CEACAM5: variants seen among roughly 807,000 people sequenced by gnomAD.
The protein encoded by CEACAM5 is CEA cell adhesion molecule 5.
CEACAM5 carries 52 observed loss-of-function variants against 63.0 expected under a neutral mutation model. The observed-to-expected ratio is 0.83, with a 90% CI of 0.66 to 1.04. CEACAM5 has a LOEUF of 1.04. Among genes scored for constraint, CEACAM5 ranks in the 50% least tolerant of loss-of-function variants. CEACAM5 has a pLI of 0.00. For synonymous variants in CEACAM5, 357 were observed against 351.3 expected, an observed-to-expected ratio of 1.02 and a Z score of -0.18; for missense variants, 790 against 864.8, an observed-to-expected ratio of 0.91 and a Z score of 1.08.
At position 41,730,330 on chromosome 19, in the gene CEACAM5, G is replaced by A. The variant is rs1442215662; in HGVS notation, c.*1183G>A. On this transcript the variant is annotated 3_prime_UTR_variant, in exon 10 of 10. Coordinates refer to ENST00000221992, the MANE Select transcript of CEACAM5 (RefSeq NM_004363.6). ...CCAGCTACTCAGGAGGCTGAGGCAG[G>A]AGAACGGCATGAACCCGGGAGGCAG... 6.6e-6 allele frequency among the ~76,000 whole-genome samples: 1 copy of A among 151,542 alleles called. No individual in the cohort carries two copies. Among genetic ancestry groups the A allele is most frequent in the East Asian group, 1.9e-4 (1 of 5,166 alleles).
chr19:41,715,389 C>A, intron 3 of CEACAM5, 140 bp downstream of exon 3: 1 of 1,364,532 alleles, frequency 7.3e-7, no homozygotes, highest in Non-Finnish European at 1.0e-6. Flanking sequence ...CTTTCTGCCC[C>A]AGAAAAACCT....
chr19:41,716,618 C>T (rs2072531110), intron 4 of CEACAM5, among the ~76,000 whole-genome samples: 1 of 152,196 alleles, frequency 6.6e-6, no homozygotes, highest in Non-Finnish European at 1.5e-5. Context: ...GCTGTGGGCA[C>T]AGCACATGGG....
chr19:41,720,487 G>T (rs1313282996), intron 7 of CEACAM5, among the ~76,000 whole-genome samples: 1 of 148,952 alleles, frequency 6.7e-6, no homozygotes, highest in Admixed American at 6.7e-5. Context: ...GGACATGAGG[G>T]TTATGGTTTG....
At chr19:41,711,928 C>G (rs537311865) in intron 2 of CEACAM5, among the ~76,000 whole-genome samples, 96 of 152,152 alleles carry the variant, frequency 6.3e-4, no homozygotes, top group Non-Finnish European at 1.1e-3. Flanking sequence ...AGGGAAGGCA[C>G]AGATGGAGCC....
In CEACAM5 at chr19:41,709,537, GACACAC is replaced by G. The variant is rs71334990; in HGVS notation, c.65-118_65-113del. ...CACACTGCTGACCTTGACCTAGTAGGACACACACACACACACACACACACACACACT... is the reference window on the plus strand; with the variant it reads ...CACACTGCTGACCTTGACCTAGTAGGACACACACACACACACACACACACT... On this transcript the variant is annotated intron_variant, in intron 1 of 9. Coordinates refer to ENST00000221992, the MANE Select transcript of CEACAM5 (RefSeq NM_004363.6). 6.8e-3 allele frequency: 7,585 copies of G among 1,109,916 alleles called. 2 individuals carry two copies. Among genetic ancestry groups the G allele is most frequent in the Non-Finnish European group, 7.9e-3 (6,260 of 795,178 alleles). The allele number at this position is 1,109,916 out of a possible 1,614,324, so 68.8% of individuals were successfully genotyped here.
chr19:41,719,270 C>T (rs1337258851), intron 6 of CEACAM5, among the ~76,000 whole-genome samples: 1 of 152,180 alleles, frequency 6.6e-6, no homozygotes, highest in Admixed American at 6.5e-5. Flanking sequence ...ACCATTTTAA[C>T]CTTTCTATGT....
chr19:41,715,015 G>A lies in CEACAM5; in HGVS notation c.469G>A (p.Val157Met), dbSNP rs368068137. Reference protein sequence around the residue: ...PSISSNNSKPVEDKDAVAFTC... With the variant: ...PSISSNNSKPMEDKDAVAFTC... ...CATCTCCAGCAACAACTCCAAACCCGTGGAGGACAAGGATGCTGTGGCCTT... is the reference window on the plus strand; with the variant it reads ...CATCTCCAGCAACAACTCCAAACCCATGGAGGACAAGGATGCTGTGGCCTT... The change falls in exon 3 of 10, where the codon GTG becomes ATG. Residue 157 changes from valine to methionine, a missense_variant. Transcript: ENST00000221992. The A allele has an allele frequency of 9.5e-5, 154 of 1,614,082 alleles. No homozygotes were observed. Among genetic ancestry groups the A allele is most frequent in the South Asian group, 1.6e-4 (15 of 91,088 alleles).
At chr19:41,728,187 T>C (rs1389574190) in intron 9 of CEACAM5, among the ~76,000 whole-genome samples, 5 of 152,238 alleles carry the variant, frequency 3.3e-5, no homozygotes, top group Admixed American at 3.3e-4. Context: ...TCCTTAATTC[T>C]ATAACAGGAG....
rs185229336 is a variant in CEACAM5, at chr19:41,727,336, T to C, written c.*20T>C. 1 of 1,568,918 alleles carries C rather than the reference T, an allele frequency of 6.4e-7. No individual in the cohort carries two copies. ...ATATAGCAGCCCTGGTGTAGTTTCT[T>C]CATTTCAGGAAGACTGGTAGGTATA... On this transcript the variant is annotated 3_prime_UTR_variant, in exon 9 of 10. Transcript: ENST00000221992.
At chr19:41,724,234 C>T (rs2072667506) in intron 8 of CEACAM5, among the ~76,000 whole-genome samples, 1 of 152,142 alleles carries the variant, frequency 6.6e-6, no homozygotes, top group Non-Finnish European at 1.5e-5. Flanking sequence ...CTGTCCTTTC[C>T]CCATTAAATG....
intron 4 of CEACAM5, among the ~76,000 whole-genome samples, chr19:41,716,424 G>C (rs2072527677): frequency 6.6e-6 from 1 of 152,244 alleles, no homozygotes; most frequent in Admixed American, 6.5e-5. Flanking sequence ...ACTCCACCTA[G>C]GTGGGAACGA....
rs188245673 is a variant in CEACAM5 at position 41,715,789 on chromosome 19, C to A, written c.843C>A (p.Thr281=). 2.5e-6 allele frequency: 4 copies of A among 1,614,210 alleles called. No homozygotes were observed. Among genetic ancestry groups the A allele is most frequent in the Admixed American group, 3.3e-5 (2 of 60,028 alleles). Residue 281 remains threonine (T), a synonymous_variant, in exon 4 of 10, where the codon ACC becomes ACA. Transcript: ENST00000221992. ...WFVNGTFQQS[T]QELFIPNITV... Reference sequence around the variant, plus strand: ...TCAATGGGACTTTCCAGCAATCCACCCAAGAGCTCTTTATCCCCAACATCA... The same window carrying A: ...TCAATGGGACTTTCCAGCAATCCACACAAGAGCTCTTTATCCCCAACATCA...
intron 6 of CEACAM5, 28 bp downstream of exon 6, chr19:41,718,410 T>C (rs1555815500): frequency 1.9e-6 from 3 of 1,611,024 alleles, no homozygotes; most frequent in East Asian, 4.5e-5. Flanking sequence ...CCGTTAGCAA[T>C]ATGTTCTGGA....
chr19:41,721,033 G>A lies in CEACAM5; in HGVS notation c.1883G>A (p.Arg628His), dbSNP rs147855837. The change falls in exon 8 of 10, where the codon CGT becomes CAT. Residue 628 changes from arginine (R) to histidine (H), a missense_variant. Coordinates refer to ENST00000221992, the MANE Select transcript of CEACAM5 (RefSeq NM_004363.6). ...AACCCATCCCCGCAGTATTCTTGGCGTATCAATGGGATACCGCAGCAACAC... is the reference window on the plus strand; with the variant it reads ...AACCCATCCCCGCAGTATTCTTGGCATATCAATGGGATACCGCAGCAACAC... The part of the protein sequence containing the change: ...ASNPSPQYSW[R>H]INGIPQQHTQ... The A allele has an allele frequency of 4.7e-5, 76 of 1,613,982 alleles. No homozygotes were observed. In the African/African-American group the frequency reaches 6.7e-4, roughly 14 times the overall value.
chr19:41,715,664 C>A lies in CEACAM5; in HGVS notation c.718C>A (p.Pro240Thr). Residue 240 changes from proline (P) to threonine (T), a missense_variant, in exon 4 of 10, where the codon CCC becomes ACC. Pro to Thr is a conservative substitution (Grantham distance 38). Transcript: ENST00000221992. ...ILNVLYGPDA[P>T]TISPLNTSYR... is the part of the protein sequence containing the mutation. ...GTTTGCTCCAGATGGCCCGGATGCC[C>A]CCACCATTTCCCCTCTAAACACATC... The A allele has an allele frequency of 6.2e-7, 1 of 1,614,160 alleles. No individual in the cohort carries two copies. The highest frequency in any genetic ancestry group is 8.5e-7 in the Non-Finnish European group (1 of 1,180,040).
chr19:41,717,878 T>C, intron 5 of CEACAM5, 145 bp downstream of exon 5: 1 of 1,133,380 alleles, frequency 8.8e-7, no homozygotes, highest in Non-Finnish European at 1.3e-6. Flanking sequence ...AGCAAATCCA[T>C]GCAGGCCCAG....
chr19:41,709,200 G>A (rs1555813442), intron 1 of CEACAM5, among the ~76,000 whole-genome samples: 2 of 152,216 alleles, frequency 1.3e-5, no homozygotes, highest in African/African-American at 4.8e-5. Context: ...CCCAGGCACT[G>A]GGGTGCAACC....
At chr19:41,720,879 TCCTCTGATGACATCA>T in intron 7 of CEACAM5, 28 bp from the exon 8 acceptor site, 3 of 1,606,916 alleles carry the variant, frequency 1.9e-6, no homozygotes, top group Non-Finnish European at 2.6e-6. Context: ...GCTTCCCCTT[TCCTCTGATGACATCA>T]CCTGTGGCTT....
In CEACAM5 at chr19:41,709,795, G is replaced by C; in HGVS notation, c.180G>C (p.Gln60His). Residue 60 changes from glutamine (Q) to histidine (H), a missense_variant, in exon 2 of 10, where the codon CAG (glutamine) becomes CAC (histidine). Gln to His is a conservative substitution (Grantham distance 24, BLOSUM62 0). Transcript: ENST00000221992. ...EVLLLVHNLP[Q>H]HLFGYSWYKG... ...TTCTACTTGTCCACAATCTGCCCCA[G>C]CATCTTTTTGGCTACAGCTGGTACA... 1.9e-6 allele frequency: 3 copies of C among 1,614,128 alleles called. No individual in the cohort carries two copies. The highest frequency in any genetic ancestry group is 2.2e-5 in the South Asian group (2 of 91,080).
Sources: gnomAD v4.1 joint callset for allele counts (sites outside exome capture counted in the v4.1 genomes callset) on GRCh38, gnomAD v4.1.1 for gene constraint, MANE v1.5 for transcripts, NCBI Gene and HGNC (gene_info 2026-07-23, HGNC 2026-07-21) for gene names.